The following ANKRA2 variants were observed in gnomAD, a reference collection of about 807,000 sequenced individuals.
ANKRA2 encodes the protein ankyrin repeat family A protein 2.
A neutral mutation model predicts 37.8 loss-of-function variants in ANKRA2; 33 were observed. That is an observed-to-expected ratio of 0.87 (90% CI 0.66 to 1.17). The LOEUF (loss-of-function observed/expected upper bound fraction) is 1.17. ANKRA2 is among the 50% of genes most tolerant of loss of function. The pLI is 0.00. For missense variants in ANKRA2, 326 were observed against 373.7 expected (o/e 0.87, Z 1.05); for synonymous variants, 126 against 132.3 (o/e 0.95, Z 0.33).
In ANKRA2 at chr5:73,562,712, G is replaced by C; in HGVS notation, c.170C>G (p.Pro57Arg). The change falls in exon 2 of 9, where the codon CCT becomes CGT. Residue 57 changes from proline to arginine, a missense_variant. By Grantham distance (103) the Pro-to-Arg change is moderately radical. Coordinates refer to ENST00000296785, the MANE Select transcript of ANKRA2 (RefSeq NM_023039.5). ...GVAMGMKFIL[P>R]NRFDMNVCSR... ...ACACACATTCATATCAAATCGGTTA[G>C]GCAATATGAATTTCATTCCCATGGC... 6.2e-7 allele frequency: 1 copy of C among 1,614,106 alleles called. No individual in the cohort carries two copies. Among genetic ancestry groups the C allele is most frequent in the Non-Finnish European group, 8.5e-7 (1 of 1,180,020 alleles).
chr5:73,565,343 A>T lies in ANKRA2; in HGVS notation c.-316T>A, dbSNP rs910593376. On this transcript the variant is annotated 5_prime_UTR_variant, in exon 1 of 9. Coordinates refer to ENST00000296785, the MANE Select transcript of ANKRA2 (RefSeq NM_023039.5). Reference sequence around the variant, plus strand: ...AGAGTGCAAGGTCTCGCGACCACCGACGACAGCAGACAGCGAGTCGGGCCT... The same window carrying T: ...AGAGTGCAAGGTCTCGCGACCACCGTCGACAGCAGACAGCGAGTCGGGCCT... 3 of 156,702 alleles carry T rather than the reference A, an allele frequency of 1.9e-5. No individual in the cohort carries two copies. Among genetic ancestry groups the T allele is most frequent in the African/African-American group, 4.8e-5 (2 of 41,346 alleles). 9.7% of individuals were successfully genotyped at this position (156,702 alleles called of 1,614,324 possible).
Position 73,554,911 on chromosome 5 carries a change from T to C in ANKRA2, c.688A>G (p.Ile230Val). ...CCACAATCAAGCAGCATTTTGACAA[T>C]ATCTGTGTAGCCTTTACTACAGGCC... The part of the protein sequence containing the change: ...SLACSKGYTD[I>V]VKMLLDCGVD... Residue 230 changes from isoleucine (I) to valine (V), a missense_variant, in exon 6 of 9, where the codon ATT becomes GTT. Coordinates refer to ENST00000296785, the MANE Select transcript of ANKRA2 (RefSeq NM_023039.5). 1 of 1,613,958 alleles carries C rather than the reference T, an allele frequency of 6.2e-7. No homozygotes were observed. The highest frequency in any genetic ancestry group is 8.5e-7 in the Non-Finnish European group (1 of 1,179,854).
chr5:73,560,760 C>T (rs1033968579), intron 3 of ANKRA2, among the ~76,000 whole-genome samples: 5 of 152,174 alleles, frequency 3.3e-5, no homozygotes, highest in African/African-American at 4.8e-5. Context: ...CTAGCTAAAA[C>T]TTTGTATCCT....
Position 73,565,360 on chromosome 5 carries a change from G to GATC in ANKRA2, c.-334_-333insGAT. The GATC allele has an allele frequency of 1.3e-5, 2 of 157,012 alleles. No homozygotes were observed. Among genetic ancestry groups the GATC allele is most frequent in the South Asian group, 3.2e-4 (2 of 6,294 alleles). The allele number at this position is 157,012 out of a possible 1,614,324, so 9.7% of individuals were successfully genotyped here. On this transcript the variant is annotated 5_prime_UTR_variant, in exon 1 of 9. Transcript: ENST00000296785. ...GACCACCGACGACAGCAGACAGCGA[G>GATC]TCGGGCCTTCCCATCTGAGGCCAGC... is the stretch of plus-strand genomic sequence containing the variant.
At chr5:73,560,517 C>T (rs1185100080) in intron 3 of ANKRA2, among the ~76,000 whole-genome samples, 4 of 152,002 alleles carry the variant, frequency 2.6e-5, no homozygotes, top group Admixed American at 6.6e-5. Flanking sequence ...TGCACCACCA[C>T]GCCTGGCTAT....
At chr5:73,559,346 G>C (rs1485130681) in intron 3 of ANKRA2, among the ~76,000 whole-genome samples, 1 of 81,366 alleles carries the variant, frequency 1.2e-5, no homozygotes, top group African/African-American at 3.7e-5. Context: ...TACAGTTGCT[G>C]TTTTTCTTTT....
At chr5:73,563,876 C>A (rs1747625795) in intron 1 of ANKRA2, among the ~76,000 whole-genome samples, 1 of 152,114 alleles carries the variant, frequency 6.6e-6, no homozygotes, top group South Asian at 2.1e-4. Context: ...TTACAGATAA[C>A]CACCTTCTAC....
At chr5:73,557,547 G>A in intron 4 of ANKRA2, 28 bp downstream of exon 4, 1 of 1,450,478 alleles carries the variant, frequency 6.9e-7, no homozygotes. Flanking sequence ...TATTGAATTT[G>A]TTTAAATATT....
At chr5:73,552,887 T>C in intron 8 of ANKRA2, 35 bp from the exon 9 acceptor site, 1 of 1,508,324 alleles carries the variant, frequency 6.6e-7, no homozygotes, top group East Asian at 2.3e-5. Context: ...TACAGCACAG[T>C]GACTATAAAA....
intron 3 of ANKRA2, among the ~76,000 whole-genome samples, chr5:73,560,166 T>C (rs1184382011): frequency 1.3e-5 from 2 of 152,148 alleles, no homozygotes; most frequent in African/African-American, 2.4e-5. Context: ...GTATAATGCA[T>C]TTATTTATTT....
intron 1 of ANKRA2, among the ~76,000 whole-genome samples, chr5:73,564,013 C>T (rs1373802092): frequency 6.6e-6 from 1 of 151,912 alleles, no homozygotes; most frequent in African/African-American, 2.4e-5. Context: ...TTACTCAGCT[C>T]TTCTGACTCC....
At chr5:73,554,803 A>G in intron 6 of ANKRA2, 58 bp downstream of exon 6, 1 of 1,572,280 alleles carries the variant, frequency 6.4e-7, no homozygotes, top group East Asian at 2.3e-5. Context: ...ATCTCTCCCA[A>G]ACCAAATAAA....
chr5:73,557,527 T>C, intron 4 of ANKRA2, 48 bp downstream of exon 4: 1 of 1,260,198 alleles, frequency 7.9e-7, no homozygotes, highest in Non-Finnish European at 1.1e-6. Flanking sequence ...ATAACAAATC[T>C]AATAAATCCT....
chr5:73,564,985 G>T (rs1199485842), intron 1 of ANKRA2, 147 bp downstream of exon 1: 1 of 152,280 alleles, frequency 6.6e-6, no homozygotes, highest in Non-Finnish European at 1.5e-5. Flanking sequence ...AGAGCCCAGG[G>T]ATGAAGGGAT....
chr5:73,557,749 A>G (rs1175936678), intron 3 of ANKRA2, 109 bp from the exon 4 acceptor site: 1 of 684,166 alleles, frequency 1.5e-6, no homozygotes, highest in African/African-American at 1.9e-5. Context: ...AAAAACTACA[A>G]TTTTATTGTT....
chr5:73,560,252 G>T (rs1747510836), intron 3 of ANKRA2, among the ~76,000 whole-genome samples: 1 of 152,136 alleles, frequency 6.6e-6, no homozygotes, highest in Non-Finnish European at 1.5e-5. Context: ...ATTATGGAAT[G>T]ATTAAAGCCA....
chr5:73,557,005 T>C (rs2112011947), intron 4 of ANKRA2, among the ~76,000 whole-genome samples: 1 of 149,298 alleles, frequency 6.7e-6, no homozygotes, highest in East Asian at 1.9e-4. Context: ...TATATATATA[T>C]ATACACCCTT....
At chr5:73,557,712 T>C in intron 3 of ANKRA2, 72 bp from the exon 4 acceptor site, 1 of 1,078,520 alleles carries the variant, frequency 9.3e-7, no homozygotes, top group East Asian at 2.5e-5. Context: ...GGTTCATGTT[T>C]GTGTCACCAA....
rs893883245 is a variant in ANKRA2 at position 73,555,530 on chromosome 5, T to C, written c.570A>G (p.Ala190=). ...CTACCACAGCTATTTGCCCGTGTGC[T>C]GCAGCCCACATCAGAGGAGTAAATC... ...EEGFTPLMWA[A]AHGQIAVVEF... is the part of the protein sequence containing the mutation. Residue 190 remains alanine, a synonymous_variant, in exon 5 of 9, where the codon GCA becomes GCG. Coordinates refer to ENST00000296785, the MANE Select transcript of ANKRA2 (RefSeq NM_023039.5). 6.2e-7 allele frequency: 1 copy of C among 1,614,116 alleles called. No individual in the cohort carries two copies. The highest frequency in any genetic ancestry group is 8.5e-7 in the Non-Finnish European group (1 of 1,179,982).
Sources: allele counts gnomAD v4.1 joint callset (sites outside exome capture counted in the v4.1 genomes callset), GRCh38; gene constraint gnomAD v4.1.1; transcripts MANE v1.5; gene names NCBI Gene and HGNC (gene_info 2026-07-23, HGNC 2026-07-21).